Variants in AP4S1 observed in about 807,000 individuals in gnomAD.
AP4S1 encodes the protein AP-4 complex subunit sigma-1.
In AP4S1, 23 loss-of-function variants were observed where a neutral mutation model predicts 19.8. That is an observed-to-expected ratio of 1.16 (90% CI 0.84 to 1.65). The LOEUF (loss-of-function observed/expected upper bound fraction) is 1.65, where lower values mean the gene tolerates loss of function less well. Among genes scored for constraint, AP4S1 ranks in the 40% most tolerant of loss-of-function variants. The probability of loss-of-function intolerance (pLI) is 0.00; values close to 1 mark genes in which losing one functional copy is unlikely to be tolerated. For synonymous variants in AP4S1, 46 were observed against 54.1 expected (o/e 0.85, Z 0.66); for missense variants, 166 against 172.8 (o/e 0.96, Z 0.22).
chr14:31,080,504 T>C (rs1887580063), intron 4 of AP4S1, 69 bp from the exon 5 acceptor site: 2 of 1,347,368 alleles, frequency 1.5e-6, no homozygotes, highest in East Asian at 4.6e-5. Flanking sequence ...CTCTTCAGTC[T>C]GACTCTGCTA....
intron 1 of AP4S1, among the ~76,000 whole-genome samples, chr14:31,048,261 CT>C: frequency 6.6e-6 from 1 of 151,612 alleles, no homozygotes; most frequent in South Asian, 2.1e-4. Context: ...ACCTGGCTAA[CT>C]TTTTGTATTT....
At chr14:31,067,992 C>T (rs1481475682) in intron 2 of AP4S1, among the ~76,000 whole-genome samples, 2 of 152,044 alleles carry the variant, frequency 1.3e-5, no homozygotes, top group Non-Finnish European at 2.9e-5. Flanking sequence ...CCTCAGCCTC[C>T]CAGGTAGCTG....
intron 1 of AP4S1, among the ~76,000 whole-genome samples, chr14:31,056,850 G>A (rs745630075): frequency 1.2e-4 from 18 of 152,300 alleles, no homozygotes; most frequent in Non-Finnish European, 2.2e-4. Flanking sequence ...GCTGAGGCGT[G>A]TGAATCACTT....
rs560198127 is a variant in AP4S1, at chr14:31,085,296, C to T, written c.306+4712C>T. 11 of 1,004,864 alleles carry T rather than the reference C, an allele frequency of 1.1e-5. No homozygotes were observed. The South Asian group carries it at 3.5e-4, about 32-fold the overall frequency. The allele number at this position is 1,004,864 out of a possible 1,614,324, so 62.2% of individuals were successfully genotyped here. A position where few individuals can be genotyped will look rare whatever the true frequency, so the allele number is the denominator to read the frequency against. ...CTGCAAGCCTCTCCTCCACCTTCAC[C>T]CCAAGACTAGGGGCAGGAATGATAA... On this transcript the variant is annotated intron_variant, in intron 5 of 5. Transcript: ENST00000542754.
chr14:31,063,304 C>T (rs1310238808), intron 1 of AP4S1, among the ~76,000 whole-genome samples: 2 of 152,088 alleles, frequency 1.3e-5, no homozygotes, highest in African/African-American at 4.8e-5. Context: ...GTGGCAGGCA[C>T]CTGTAATCTT....
At chr14:31,040,437 T>C (rs1165701309) in intron 1 of AP4S1, among the ~76,000 whole-genome samples, 1 of 152,186 alleles carries the variant, frequency 6.6e-6, no homozygotes, top group Non-Finnish European at 1.5e-5. Context: ...GAAACATAGG[T>C]AAATTAAATT....
At chr14:31,025,647 A>AT, upstream of AP4S1, 1 of 539,108 alleles carries the variant, frequency 1.9e-6, no homozygotes, top group East Asian at 3.7e-5. Context: ...CGCAGACGCC[A>AT]TACTAAAAGC....
intron 1 of AP4S1, among the ~76,000 whole-genome samples, chr14:31,046,567 C>T (rs12148037): frequency 0.26 from 39,650 of 151,924 alleles, 5,356 homozygotes; most frequent in South Asian, 0.33. Flanking sequence ...GAATTGCGGC[C>T]GGGCACGGTA....
At chr14:31,034,766 C>T (rs113217978) in intron 1 of AP4S1, among the ~76,000 whole-genome samples, 14,783 of 150,984 alleles carry the variant, frequency 0.098, 783 homozygotes, top group South Asian at 0.16. Context: ...TACAGGCACC[C>T]GCCACCACGA....
At chr14:31,081,374 T>C (rs975818722) in intron 5 of AP4S1, among the ~76,000 whole-genome samples, 3 of 152,166 alleles carry the variant, frequency 2.0e-5, no homozygotes, top group Non-Finnish European at 1.5e-5. Context: ...CTATCAAATG[T>C]ATTCATTCCT....
At chr14:31,083,848 G>T (rs572788376) in intron 5 of AP4S1, among the ~76,000 whole-genome samples, 1 of 152,128 alleles carries the variant, frequency 6.6e-6, no homozygotes, top group South Asian at 2.1e-4. Flanking sequence ...ACTCTCCTCT[G>T]CTTCATACAT....
At position 31,093,465 on chromosome 14, in the gene AP4S1, A is replaced by ATTT. The variant is rs34042875; in HGVS notation, c.*441_*443dup. ...TGAGTAACGCTGTTTTCTGAAAGCT[A>ATTT]TTTTTTTTTTTTTGAGACGGAGTCT... On this transcript the variant is annotated 3_prime_UTR_variant, in exon 6 of 6. Coordinates refer to ENST00000542754, the MANE Select transcript of AP4S1 (RefSeq NM_001128126.3). The ATTT allele has an allele frequency of 1.6e-3, 234 of 148,916 alleles. 1 individual carries two copies. The highest frequency in any genetic ancestry group is 5.3e-3 in the African/African-American group (214 of 40,108). The allele number at this position is 148,916 out of a possible 1,614,324, so 9.2% of individuals were successfully genotyped here. A position where few individuals can be genotyped will look rare whatever the true frequency, so the allele number is the denominator to read the frequency against.
chr14:31,046,701 C>T (rs1051916030), intron 1 of AP4S1, among the ~76,000 whole-genome samples: 1 of 152,002 alleles, frequency 6.6e-6, no homozygotes, highest in African/African-American at 2.4e-5. Context: ...AAAAAGTTAG[C>T]CGGGCATGGT....
chr14:31,092,840 A>G (rs971020738), intron 5 of AP4S1, 67 bp from the exon 6 acceptor site: 2 of 1,261,732 alleles, frequency 1.6e-6, no homozygotes, highest in Non-Finnish European at 2.2e-6. Flanking sequence ...CTCTAGGTTA[A>G]GCCATAAATT....
At chr14:31,092,426 G>C (rs540872080) in intron 5 of AP4S1, among the ~76,000 whole-genome samples, 13 of 152,162 alleles carry the variant, frequency 8.5e-5, no homozygotes, top group Non-Finnish European at 1.8e-4. Flanking sequence ...ACTATGCTTT[G>C]AACCTGTTTG....
chr14:31,050,438 G>C (rs563340452), intron 1 of AP4S1, among the ~76,000 whole-genome samples: 3 of 151,848 alleles, frequency 2.0e-5, no homozygotes, highest in Non-Finnish European at 4.4e-5. Context: ...ATATCTCTCT[G>C]ATCTCTGCTT....
chr14:31,027,695 A>G (rs1229807395), intron 1 of AP4S1, among the ~76,000 whole-genome samples: 1 of 152,210 alleles, frequency 6.6e-6, no homozygotes, highest in African/African-American at 2.4e-5. Context: ...GGAATGTAAC[A>G]TATACATAAG....
At chr14:31,065,239 A>G (rs1385317461) in intron 1 of AP4S1, among the ~76,000 whole-genome samples, 1 of 152,190 alleles carries the variant, frequency 6.6e-6, no homozygotes, top group Non-Finnish European at 1.5e-5. Flanking sequence ...CTGCAGCCCC[A>G]GTGAACTTTC....
At chr14:31,083,151 G>C (rs1594710573) in intron 5 of AP4S1, among the ~76,000 whole-genome samples, 2 of 152,134 alleles carry the variant, frequency 1.3e-5, no homozygotes, top group East Asian at 3.8e-4. Context: ...TGTCTTTGTA[G>C]CCTTCTGGTG....
Sources: allele counts gnomAD v4.1 joint callset (sites outside exome capture counted in the v4.1 genomes callset), GRCh38; gene constraint gnomAD v4.1.1; transcripts MANE v1.5; gene names NCBI Gene and HGNC (gene_info 2026-07-23, HGNC 2026-07-21).